FAM149B1: variants seen among roughly 807,000 people sequenced by gnomAD.
FAM149B1 encodes family with sequence similarity 149 member B1.
In FAM149B1, 56 loss-of-function variants were observed where a neutral mutation model predicts 75.3. That is an observed-to-expected ratio of 0.74 (90% CI 0.60 to 0.93). The LOEUF is 0.93. FAM149B1 is among the 40% of genes least tolerant of loss of function. The pLI is 0.00. For synonymous variants in FAM149B1, 259 were observed against 256.1 expected (o/e 1.01, Z -0.11); for missense variants, 639 against 708.4 (o/e 0.90, Z 1.11).
At chr10:73,200,425 A>G (rs1311961059) in intron 5 of FAM149B1, 3 of 612,024 alleles carry the variant, frequency 4.9e-6, no homozygotes, top group Non-Finnish European at 9.7e-6. Context: ...GCATTGGTGG[A>G]ACAAATGTTC....
chr10:73,207,617 C>T (rs554094845), intron 5 of FAM149B1, among the ~76,000 whole-genome samples: 53 of 152,184 alleles, frequency 3.5e-4, no homozygotes, highest in African/African-American at 1.2e-3. Flanking sequence ...GCATTCAACT[C>T]CACCCATGAG....
chr10:73,231,776 A>T (rs934810621), intron 9 of FAM149B1, among the ~76,000 whole-genome samples: 7 of 152,214 alleles, frequency 4.6e-5, no homozygotes, highest in Non-Finnish European at 1.0e-4. Flanking sequence ...CTCACTGGCA[A>T]TGTGGAAGAG....
At chr10:73,188,453 G>A (rs1340358306) in intron 3 of FAM149B1, among the ~76,000 whole-genome samples, 3 of 152,070 alleles carry the variant, frequency 2.0e-5, no homozygotes, top group African/African-American at 7.2e-5. Context: ...TACGAAAATG[G>A]ATAAATTTAA....
intron 2 of FAM149B1, among the ~76,000 whole-genome samples, chr10:73,176,897 C>T (rs1048205454): frequency 1.3e-5 from 2 of 152,008 alleles, no homozygotes; most frequent in African/African-American, 4.8e-5. Context: ...GGTGGTGGCG[C>T]ACACCTGTAG....
chr10:73,230,739 T>C, intron 9 of FAM149B1: 3 of 454,262 alleles, frequency 6.6e-6, no homozygotes, highest in East Asian at 3.8e-5. Flanking sequence ...GACCTAACCA[T>C]ATGTGGCATT....
chr10:73,178,060 T>A, intron 3 of FAM149B1, 85 bp downstream of exon 3: 2 of 1,281,416 alleles, frequency 1.6e-6, no homozygotes, highest in Non-Finnish European at 2.1e-6. Context: ...ATTCCTTCAC[T>A]CTCCTGCATT....
rs370460836 is a variant in FAM149B1 at position 73,178,230 on chromosome 10, G to A, written c.282+255G>A. On this transcript the variant is annotated intron_variant, in intron 3 of 13. Coordinates refer to ENST00000242505, the MANE Select transcript of FAM149B1 (RefSeq NM_173348.2). The stretch of plus-strand genomic sequence containing the variant: ...ATGTTGGCCGGGCACGGTGGCTCAC[G>A]CCTGCAATCCCAGCACTTTGGGAGG... Among the ~76,000 whole-genome samples the A allele has an allele frequency of 1.9e-4, 29 of 152,184 alleles. No individual in the cohort carries two copies. The East Asian group carries it at 1.9e-3, about 10-fold the overall frequency.
Position 73,168,328 on chromosome 10 carries a change from A to T in FAM149B1, c.-12A>T. The T allele has an allele frequency of 6.5e-7, 1 of 1,549,274 alleles. No individual in the cohort carries two copies. The highest frequency in any genetic ancestry group is 1.2e-5 in the South Asian group (1 of 83,966). On this transcript the variant is annotated 5_prime_UTR_variant, in exon 1 of 14. Transcript: ENST00000242505. ...GCGGCTGAGGAGGAGGAGGAGGAGG[A>T]GGAGGAGGAGGATGATCTCCAGATA...
intron 5 of FAM149B1, among the ~76,000 whole-genome samples, chr10:73,206,806 T>G (rs1311419944): frequency 6.6e-6 from 1 of 152,254 alleles, no homozygotes; most frequent in South Asian, 2.1e-4. Flanking sequence ...TCCCAGCTAC[T>G]TGGGAGGCTG....
In FAM149B1 at chr10:73,243,074, T is replaced by C; in HGVS notation, c.*2055T>C. ...GACACGCACATCGCAGAAAGCAGCA[T>C]GAACAGAACCACATCCTAGATAAGA... On this transcript the variant is annotated 3_prime_UTR_variant, in exon 14 of 14. Transcript: ENST00000242505. 1 of 252,334 alleles carries C rather than the reference T, an allele frequency of 4.0e-6. No homozygotes were observed. Among genetic ancestry groups the C allele is most frequent in the East Asian group, 1.1e-4 (1 of 9,396 alleles). 15.6% of individuals were successfully genotyped at this position (252,334 alleles called of 1,614,324 possible). A position where few individuals can be genotyped will look rare whatever the true frequency, so the allele number is the denominator to read the frequency against.
rs1192179971 is a variant in FAM149B1 at position 73,242,114 on chromosome 10, A to G, written c.*1095A>G. 3 of 152,222 alleles carry G rather than the reference A, an allele frequency of 2.0e-5. No individual in the cohort carries two copies. The highest frequency in any genetic ancestry group is 7.2e-5 in the African/African-American group (3 of 41,462). The allele number at this position is 152,222 out of a possible 1,614,324, so 9.4% of individuals were successfully genotyped here. The stretch of plus-strand genomic sequence containing the variant: ...AAGGTGTTCTAATGCCATCATATGA[A>G]GACAGATGCTTCAAACAACCTGCAT... On this transcript the variant is annotated 3_prime_UTR_variant, in exon 14 of 14. Transcript: ENST00000242505.
At chr10:73,177,574 C>CAAAA (rs112060986) in intron 2 of FAM149B1, among the ~76,000 whole-genome samples, 22,777 of 144,978 alleles carry the variant, frequency 0.16, 2,792 homozygotes, top group African/African-American at 0.33. Context: ...ATTCTGTCTC[C>CAAAA]AAAAAAAAAA....
chr10:73,168,245 C>G lies in FAM149B1; in HGVS notation c.-95C>G. On this transcript the variant is annotated 5_prime_UTR_variant, in exon 1 of 14. Transcript: ENST00000242505. ...CGGTAGGTGGCGGGAGGGGCCGGGC[C>G]GGAGCCGGCGGGAGGGCCAGGCCCG... is the stretch of plus-strand genomic sequence containing the variant. 1 of 1,395,408 alleles carries G rather than the reference C, an allele frequency of 7.2e-7. No individual in the cohort carries two copies. The highest frequency in any genetic ancestry group is 2.6e-5 in the East Asian group (1 of 38,660). 86.4% of individuals were successfully genotyped at this position (1,395,408 alleles called of 1,614,324 possible).
chr10:73,169,594 C>CTACA (rs1385782331), intron 1 of FAM149B1, among the ~76,000 whole-genome samples: 1 of 151,704 alleles, frequency 6.6e-6, no homozygotes. Context: ...GTAGCTGAGA[C>CTACA]TACAGGTGCA....
chr10:73,173,218 T>G (rs1363803579), intron 1 of FAM149B1, among the ~76,000 whole-genome samples: 2 of 152,186 alleles, frequency 1.3e-5, no homozygotes, highest in Non-Finnish European at 2.9e-5. Flanking sequence ...CCCATGAACT[T>G]TTCACTCAGC....
At position 73,193,602 on chromosome 10, in the gene FAM149B1, T is replaced by C; in HGVS notation, c.542+9T>C. 1 of 1,549,840 alleles carries C rather than the reference T, an allele frequency of 6.5e-7. No individual in the cohort carries two copies. Among genetic ancestry groups the C allele is most frequent in the Admixed American group, 2.0e-5 (1 of 50,842 alleles). On this transcript the variant is annotated intron_variant, in intron 5 of 13. Coordinates refer to ENST00000242505, the MANE Select transcript of FAM149B1 (RefSeq NM_173348.2). ...GAAAGAGATTCTACTATGTGAGTAT[T>C]CCATTATGTAAGTACTTCAATGTGC... is the stretch of plus-strand genomic sequence containing the variant.
At chr10:73,206,099 AG>A (rs1402439976) in intron 5 of FAM149B1, among the ~76,000 whole-genome samples, 35 of 152,378 alleles carry the variant, frequency 2.3e-4, no homozygotes, top group African/African-American at 7.7e-4. Flanking sequence ...CAGGCTGACA[AG>A]GTCTCAGAAG....
At chr10:73,226,373 C>T (rs376152096) in intron 7 of FAM149B1, among the ~76,000 whole-genome samples, 1 of 152,040 alleles carries the variant, frequency 6.6e-6, no homozygotes, top group Non-Finnish European at 1.5e-5. Context: ...GGTGTGGTGG[C>T]GGGCACCTGT....
At chr10:73,179,520 C>G (rs2042346399) in intron 3 of FAM149B1, among the ~76,000 whole-genome samples, 1 of 151,720 alleles carries the variant, frequency 6.6e-6, no homozygotes, top group Admixed American at 6.6e-5. Flanking sequence ...CTCAAGCCAT[C>G]CTCCTGCCTC....
Sources: gnomAD v4.1 joint callset for allele counts (sites outside exome capture counted in the v4.1 genomes callset) on GRCh38, gnomAD v4.1.1 for gene constraint, MANE v1.5 for transcripts, NCBI Gene and HGNC (gene_info 2026-07-23, HGNC 2026-07-21) for gene names.